Variants in CFAP65 observed in about 807,000 individuals in gnomAD.
CFAP65 encodes cilia and flagella associated protein 65.
Under a neutral mutation model 208.0 loss-of-function variants are expected in CFAP65, and 155 were observed. That is an observed-to-expected ratio of 0.75 (90% CI 0.65 to 0.85). The LOEUF is 0.85. Ranked by LOEUF, CFAP65 falls within the 40% of genes least tolerant of loss-of-function variation. The pLI, the probability that CFAP65 is intolerant of heterozygous loss-of-function variation, is 0.00. For missense variants in CFAP65, 2,294 were observed against 2,451.3 expected (o/e 0.94, Z 1.36); for synonymous variants, 970 against 986.3 (o/e 0.98, Z 0.31).
chr2:219,024,494 C>T (rs919475597), intron 14 of CFAP65, among the ~76,000 whole-genome samples: 7 of 17,246 alleles, frequency 4.1e-4, no homozygotes, highest in African/African-American at 1.2e-3. Context: ...GGCAGGGGGG[C>T]GGGGGCACAG....
intron 22 of CFAP65, 63 bp from the exon 23 acceptor site, chr2:219,013,648 A>G (rs1946638515): frequency 6.9e-7 from 1 of 1,452,542 alleles, no homozygotes; most frequent in South Asian, 1.2e-5. Flanking sequence ...AGGAGAGCAA[A>G]TGGACATGAC....
Position 219,003,366 on chromosome 2 carries a change from A to G in CFAP65, c.5556-94T>C. 2 of 1,409,240 alleles carry G rather than the reference A, an allele frequency of 1.4e-6. No individual in the cohort carries two copies. Among genetic ancestry groups the G allele is most frequent in the Non-Finnish European group, 1.9e-6 (2 of 1,073,046 alleles). 87.3% of individuals were successfully genotyped at this position (1,409,240 alleles called of 1,614,324 possible). A position where few individuals can be genotyped will look rare whatever the true frequency, so the allele number is the denominator to read the frequency against. On this transcript the variant is annotated intron_variant, in intron 33 of 34. Coordinates refer to ENST00000341552, the MANE Select transcript of CFAP65 (RefSeq NM_194302.4). The surrounding 1 kb of genome is among the most constrained non-coding windows in gnomAD (Gnocchi z 4.4). ...TGCGGTACATTGTGCCGCGAGCTCT[A>G]CGGAGATTCCCATTCGACTCCCCTC...
rs200205847 is a variant in CFAP65, at chr2:219,026,106, C to A, written c.2265G>T (p.Trp755Cys). ...IEEDCTMCPS[W>C]CLTVRARGHS... ...GGCCTCGTGCCCGCACCGTCAGGCA[C>A]CAGGATGGGCACATGGTGCAGTCCT... Residue 755 changes from tryptophan to cysteine, a missense_variant, in exon 14 of 35, where the codon TGG (tryptophan) becomes TGT (cysteine). Trp to Cys is a radical substitution (Grantham distance 215, BLOSUM62 -2). Transcript: ENST00000341552. 17 of 1,614,086 alleles carry A rather than the reference C, an allele frequency of 1.1e-5. 1 individual carries two copies. The African/African-American group carries it at 1.9e-4, about 18-fold the overall frequency.
chr2:219,010,902 G>A lies in CFAP65; in HGVS notation c.4052C>T (p.Pro1351Leu), dbSNP rs548181476. 7.4e-6 allele frequency: 12 copies of A among 1,613,884 alleles called. No homozygotes were observed. The South Asian group carries it at 1.2e-4, about 16-fold the overall frequency. Residue 1351 changes from proline to leucine, a missense_variant, in exon 25 of 35, where the codon CCC becomes CTC. Around this residue, in one of 2 missense-constraint regions of CFAP65, gnomAD observed 1,427 missense variants for 1,438.7 expected, o/e 0.99. Coordinates refer to ENST00000341552, the MANE Select transcript of CFAP65 (RefSeq NM_194302.4). Reference protein sequence around the residue: ...SQVQEKNFDHPIFCCLNPKGE... With the variant: ...SQVQEKNFDHLIFCCLNPKGE... ...TTTGGGGTTGAGGCAGCAAAAGATG[G>A]GGTGATCAAAATTTTTTTCCTGAAC...
In CFAP65 at chr2:219,024,083, G is replaced by A. The variant is rs766872555; in HGVS notation, c.2527C>T (p.Pro843Ser). ...TGCTGCTTCCAGGAGCTGCCCTCAG[G>A]GTAGGTGCAGATGAGGATGATCTGG... ...AHQIILICTY[P>S]EGSSWKQHTF... Residue 843 changes from proline (P) to serine (S), a missense_variant, in exon 15 of 35, where the codon CCT (proline) becomes TCT (serine). Pro to Ser is a moderately conservative substitution (Grantham distance 74). Coordinates refer to ENST00000341552, the MANE Select transcript of CFAP65 (RefSeq NM_194302.4). 6.2e-7 allele frequency: 1 copy of A among 1,614,082 alleles called. No homozygotes were observed. Among genetic ancestry groups the A allele is most frequent in the South Asian group, 1.1e-5 (1 of 91,088 alleles).
intron 21 of CFAP65, 73 bp from the exon 22 acceptor site, chr2:219,014,117 G>T: frequency 7.3e-7 from 1 of 1,374,688 alleles, no homozygotes; most frequent in Non-Finnish European, 9.8e-7. Context: ...CTGAGACCCT[G>T]ATGGGCAGGT....
chr2:219,005,941 GGTCTGGGC>G, intron 31 of CFAP65, 72 bp downstream of exon 31: 2 of 1,412,616 alleles, frequency 1.4e-6, no homozygotes, highest in Non-Finnish European at 2.0e-6. Context: ...CCATGGGTTG[GGTCTGGGC>G]AGCCCCTGCT....
chr2:219,040,991 A>G (rs1948626355), intron 1 of CFAP65, among the ~76,000 whole-genome samples: 1 of 152,200 alleles, frequency 6.6e-6, no homozygotes, highest in African/African-American at 2.4e-5. Context: ...ATAGTAATTA[A>G]CAACCATAAC....
intron 18 of CFAP65, 41 bp from the exon 19 acceptor site, chr2:219,021,321 G>A: frequency 1.3e-6 from 2 of 1,516,912 alleles, no homozygotes; most frequent in Non-Finnish European, 1.8e-6. Flanking sequence ...GGTAGAGGAG[G>A]CCCAGCCATT....
At position 219,010,592 on chromosome 2, in the gene CFAP65, G is replaced by T; in HGVS notation, c.4262C>A (p.Ser1421Ter). ...AGAGTGTATGGAACTGTTGTCCCAC[G>T]AGGAGATGTTGTGGAATGGGGCTGT... ...GDTAPFHNIS[S>*]WDNSSIHSRL... is the part of the protein sequence containing the mutation. The change falls in exon 26 of 35, where the codon TCG (serine) becomes TAG (stop). Residue 1421 changes from serine (S) to a stop codon, truncating the protein, a stop_gained. Coordinates refer to ENST00000341552, the MANE Select transcript of CFAP65 (RefSeq NM_194302.4). LOFTEE classifies it high-confidence loss of function. 6.2e-7 allele frequency: 1 copy of T among 1,611,756 alleles called. No individual in the cohort carries two copies. Among genetic ancestry groups the T allele is most frequent in the Non-Finnish European group, 8.5e-7 (1 of 1,179,678 alleles).
At chr2:219,007,888 C>T (rs189113540) in intron 29 of CFAP65, among the ~76,000 whole-genome samples, 74 of 151,680 alleles carry the variant, frequency 4.9e-4, no homozygotes, top group Middle Eastern at 3.4e-3. Flanking sequence ...GTATGATCTC[C>T]GCTCACTGCA....
intron 10 of CFAP65, 26 bp from the exon 11 acceptor site, chr2:219,029,694 C>T (rs774924577): frequency 1.9e-6 from 3 of 1,605,058 alleles, no homozygotes; most frequent in Non-Finnish European, 1.7e-6. Flanking sequence ...GGGGTATCAG[C>T]TTCCCCAAGG....
rs1048695923 is a variant in CFAP65 at position 219,032,059 on chromosome 2, A to G, written c.646-401T>C. The stretch of plus-strand genomic sequence containing the variant: ...CTCAGCCTCCCAAGTAGCTGGGACT[A>G]CAGGCATGTGCCACCATGCCTGGTT... On this transcript the variant is annotated intron_variant, in intron 6 of 34. Coordinates refer to ENST00000341552, the MANE Select transcript of CFAP65 (RefSeq NM_194302.4). The surrounding 1 kb of genome is among the most constrained non-coding windows in gnomAD (Gnocchi z 5.5). Among the ~76,000 whole-genome samples, 24 of 151,196 alleles carry G rather than the reference A, an allele frequency of 1.6e-4. No homozygotes were observed. The highest frequency in any genetic ancestry group is 5.8e-4 in the African/African-American group (24 of 41,092).
chr2:219,022,805 C>T (rs1947355135), intron 16 of CFAP65, among the ~76,000 whole-genome samples: 1 of 152,316 alleles, frequency 6.6e-6, no homozygotes, highest in East Asian at 1.9e-4. Flanking sequence ...CCAGCACCCC[C>T]ACTGTGACTA....
At chr2:219,038,142 G>A (rs917177422) in intron 4 of CFAP65, among the ~76,000 whole-genome samples, 1 of 152,180 alleles carries the variant, frequency 6.6e-6, no homozygotes, top group Non-Finnish European at 1.5e-5. Context: ...TTCCCTTGGA[G>A]CTTACATTCT....
At chr2:219,037,991 G>C (rs1176785030) in intron 4 of CFAP65, among the ~76,000 whole-genome samples, 1 of 152,182 alleles carries the variant, frequency 6.6e-6, no homozygotes, top group Non-Finnish European at 1.5e-5. Flanking sequence ...CCTGAGGAAA[G>C]AGAAATCCTG....
At chr2:219,009,191 T>C in intron 28 of CFAP65, 37 bp from the exon 29 acceptor site, 1 of 1,587,062 alleles carries the variant, frequency 6.3e-7, no homozygotes, top group Non-Finnish European at 8.6e-7. Context: ...GGCCAAGGTC[T>C]GGAGCTTGCC....
chr2:219,041,475 G>C lies in CFAP65; in HGVS notation c.-49+13C>G. 2 of 1,550,506 alleles carry C rather than the reference G, an allele frequency of 1.3e-6. No individual in the cohort carries two copies. The highest frequency in any genetic ancestry group is 1.7e-6 in the Non-Finnish European group (2 of 1,146,956). ...GAGACCCTGGGACCTTGGGACTAAC[G>C]CTCAGAACTTACATCGCCTCCATAT... On this transcript the variant is annotated intron_variant, in intron 1 of 34. Transcript: ENST00000341552.
intron 5 of CFAP65, among the ~76,000 whole-genome samples, chr2:219,033,494 GAAAA>G (rs1948175483): frequency 9.9e-6 from 1 of 101,018 alleles, no homozygotes; most frequent in African/African-American, 5.9e-5. Flanking sequence ...AAGAAAGAAA[GAAAA>G]GAAAGAAAAG....
Sources: gnomAD v4.1 joint callset for allele counts (sites outside exome capture counted in the v4.1 genomes callset) on GRCh38, gnomAD v4.1.1 for gene constraint, gnomAD v4.1.1 regional missense constraint, Gnocchi (gnomAD v3.1) non-coding constraint, MANE v1.5 for transcripts, NCBI Gene and HGNC (gene_info 2026-07-23, HGNC 2026-07-21) for gene names.